The following CTDSPL variants were observed in gnomAD, a reference collection of about 807,000 sequenced individuals.
The protein encoded by CTDSPL is CTD small phosphatase like, also known as CTD small phosphatase-like protein.
A neutral mutation model predicts 30.5 loss-of-function variants in CTDSPL; 8 were observed. That is an observed-to-expected ratio of 0.26 (90% CI 0.15 to 0.47). The LOEUF is 0.47. CTDSPL is among the 20% of genes least tolerant of loss of function. The pLI, the probability that CTDSPL is intolerant of heterozygous loss-of-function variation, is 0.99. For synonymous variants in CTDSPL, 110 were observed against 137.9 expected, an observed-to-expected ratio of 0.80 and a Z score of 1.42; for missense variants, 248 against 366.1, an observed-to-expected ratio of 0.68 and a Z score of 2.63.
Position 37,947,290 on chromosome 3 carries a change from A to G in CTDSPL, c.234+79A>G, listed in dbSNP as rs575813466. On this transcript the variant is annotated intron_variant, in intron 2 of 7. Transcript: ENST00000273179. ...TGTCCCATCCTTGATGAATATCCTT[A>G]AGAAGAATATGCAGAGCCAGGCGTG... 2.1e-4 allele frequency: 323 copies of G among 1,511,880 alleles called. 1 individual carries two copies. The Middle Eastern group carries it at 2.2e-3, about 10-fold the overall frequency. The allele number at this position is 1,511,880 out of a possible 1,614,324, so 93.7% of individuals were successfully genotyped here.
chr3:37,913,170 A>G (rs1275829107), intron 1 of CTDSPL, among the ~76,000 whole-genome samples: 2 of 152,080 alleles, frequency 1.3e-5, no homozygotes, highest in African/African-American at 4.8e-5. Flanking sequence ...AAACGCGTAA[A>G]TTAGCCAGGT....
At chr3:37,868,088 C>T (rs1351104077) in intron 1 of CTDSPL, among the ~76,000 whole-genome samples, 1 of 152,028 alleles carries the variant, frequency 6.6e-6, no homozygotes, top group East Asian at 1.9e-4. Context: ...GAGTAATTAT[C>T]ACTTCACTAT....
At chr3:37,929,755 G>A (rs34054543) in intron 1 of CTDSPL, among the ~76,000 whole-genome samples, 32,139 of 152,002 alleles carry the variant, frequency 0.21, 4,095 homozygotes, top group African/African-American at 0.35. Flanking sequence ...TGATTTGTAT[G>A]CCTTTTATAT....
chr3:37,875,832 G>T (rs903991371), intron 1 of CTDSPL, among the ~76,000 whole-genome samples: 1 of 152,206 alleles, frequency 6.6e-6, no homozygotes, highest in Non-Finnish European at 1.5e-5. Context: ...TATAAAATTT[G>T]AGTTGCTATT....
intron 1 of CTDSPL, among the ~76,000 whole-genome samples, chr3:37,885,852 G>T (rs1698257081): frequency 6.6e-6 from 1 of 152,162 alleles, no homozygotes; most frequent in Non-Finnish European, 1.5e-5. Context: ...ATGCCAAATG[G>T]TATATTTCTT....
chr3:37,946,230 C>T (rs934919989), intron 1 of CTDSPL, among the ~76,000 whole-genome samples: 3 of 152,222 alleles, frequency 2.0e-5, no homozygotes, highest in Non-Finnish European at 4.4e-5. Flanking sequence ...CTAATTTTCA[C>T]CTTTTATTCC....
chr3:37,959,754 T>A (rs1699214661), intron 3 of CTDSPL, among the ~76,000 whole-genome samples: 1 of 152,216 alleles, frequency 6.6e-6, no homozygotes, highest in African/African-American at 2.4e-5. Context: ...AAATGCTAGG[T>A]CAAAGGATAT....
intron 3 of CTDSPL, among the ~76,000 whole-genome samples, chr3:37,959,317 A>G (rs1699210258): frequency 6.6e-6 from 1 of 152,216 alleles, no homozygotes; most frequent in Non-Finnish European, 1.5e-5. Flanking sequence ...TAATTTTTAA[A>G]TATTGACGGA....
At chr3:37,960,533 T>TCGC (rs1699231747) in intron 3 of CTDSPL, among the ~76,000 whole-genome samples, 1 of 33,570 alleles carries the variant, frequency 3.0e-5, no homozygotes, top group African/African-American at 1.5e-4. Context: ...TATATATATA[T>TCGC]ATACACACAC....
chr3:37,980,188 G>T (rs372827236), intron 7 of CTDSPL, among the ~76,000 whole-genome samples: 2 of 152,214 alleles, frequency 1.3e-5, no homozygotes, highest in African/African-American at 4.8e-5. Context: ...TCCTGTCTTT[G>T]CCCATAGCTT....
chr3:37,964,743 A>G (rs541629279), intron 4 of CTDSPL, 71 bp downstream of exon 4: 1 of 1,195,704 alleles, frequency 8.4e-7, no homozygotes, highest in Admixed American at 1.8e-5. Context: ...AAGGGAAAAC[A>G]AAAAGGATGA....
chr3:37,935,021 A>T (rs1698899072), intron 1 of CTDSPL, among the ~76,000 whole-genome samples: 1 of 152,152 alleles, frequency 6.6e-6, no homozygotes, highest in African/African-American at 2.4e-5. Context: ...TGTGCCTGAG[A>T]TGCTTCATCT....
intron 1 of CTDSPL, among the ~76,000 whole-genome samples, chr3:37,887,259 A>G (rs1698273950): frequency 6.6e-6 from 1 of 152,150 alleles, no homozygotes; most frequent in South Asian, 2.1e-4. Flanking sequence ...GTTTGTGAGC[A>G]CCTTCTGAAG....
intron 1 of CTDSPL, among the ~76,000 whole-genome samples, chr3:37,902,627 C>G (rs929394405): frequency 2.0e-5 from 3 of 152,170 alleles, no homozygotes; most frequent in African/African-American, 7.2e-5. Context: ...GTTTCTCCTT[C>G]TCTGTCTGTA....
At chr3:37,925,898 C>G (rs1453574194) in intron 1 of CTDSPL, among the ~76,000 whole-genome samples, 1 of 152,102 alleles carries the variant, frequency 6.6e-6, no homozygotes. Flanking sequence ...TTGCTTTGAT[C>G]CACAATACTT....
In CTDSPL at chr3:37,975,252, G is replaced by C. The variant is rs1254490246; in HGVS notation, c.520-457G>C. 6.6e-6 allele frequency among the ~76,000 whole-genome samples: 1 copy of C among 152,176 alleles called. No individual in the cohort carries two copies. The highest frequency in any genetic ancestry group is 1.9e-4 in the East Asian group (1 of 5,192). On this transcript the variant is annotated intron_variant, in intron 6 of 7. Coordinates refer to ENST00000273179, the MANE Select transcript of CTDSPL (RefSeq NM_001008392.2). This position sits in a 1 kb window ranked among gnomAD's most constrained non-coding sequence, Gnocchi z 4.9. The stretch of plus-strand genomic sequence containing the variant: ...TGGGACGCAGCAGTGAGGAACGTGG[G>C]CCTTACTCCAAGTGCGGTGTGTAGA...
chr3:37,946,944 C>CA, intron 1 of CTDSPL, 113 bp from the exon 2 acceptor site: 1 of 1,174,360 alleles, frequency 8.5e-7, no homozygotes, highest in South Asian at 1.7e-5. Context: ...AGCAGGCCCT[C>CA]AGGGCTGGAA....
intron 1 of CTDSPL, among the ~76,000 whole-genome samples, chr3:37,942,670 C>G (rs925073728): frequency 6.7e-6 from 1 of 150,112 alleles, no homozygotes; most frequent in East Asian, 1.9e-4. Context: ...TTATGGAGTG[C>G]TTGCTCTATG....
chr3:37,967,328 C>G (rs1699309105), intron 4 of CTDSPL, among the ~76,000 whole-genome samples: 3 of 152,270 alleles, frequency 2.0e-5, no homozygotes, highest in African/African-American at 7.2e-5. Flanking sequence ...ACTTTACCCC[C>G]ACATGGCCTT....
Sources: gnomAD v4.1 joint callset for allele counts (sites outside exome capture counted in the v4.1 genomes callset) on GRCh38, gnomAD v4.1.1 for gene constraint, Gnocchi (gnomAD v3.1) non-coding constraint, MANE v1.5 for transcripts, NCBI Gene and HGNC (gene_info 2026-07-23, HGNC 2026-07-21) for gene names.